The following MEIKIN variants were observed in gnomAD, a reference collection of about 807,000 sequenced individuals.
The protein encoded by MEIKIN is meiosis-specific kinetochore protein.
intron 11 of MEIKIN, among the ~76,000 whole-genome samples, chr5:131,846,828 T>C (rs1750030432): frequency 6.6e-6 from 1 of 152,054 alleles, no homozygotes; most frequent in Admixed American, 6.5e-5. Flanking sequence ...TCAAAAAAAT[T>C]ATTAATTTAT....
intron 8 of MEIKIN, among the ~76,000 whole-genome samples, chr5:131,905,977 T>C (rs1751236621): frequency 6.6e-6 from 1 of 152,162 alleles, no homozygotes; most frequent in Non-Finnish European, 1.5e-5. Context: ...GGCAAAGACT[T>C]CATAACAATG....
At chr5:131,827,737 A>G (rs992384267) in intron 11 of MEIKIN, among the ~76,000 whole-genome samples, 4 of 152,216 alleles carry the variant, frequency 2.6e-5, no homozygotes, top group Non-Finnish European at 4.4e-5. Flanking sequence ...AAATTTATAG[A>G]TCTATAGGAA....
intron 11 of MEIKIN, among the ~76,000 whole-genome samples, chr5:131,840,212 T>A (rs1749879868): frequency 6.6e-6 from 1 of 152,220 alleles, no homozygotes; most frequent in Admixed American, 6.5e-5. Context: ...CCTTTTAGGG[T>A]TTGTGCTGAG....
At chr5:131,838,621 A>ATTTCTAG (rs534366002) in intron 11 of MEIKIN, among the ~76,000 whole-genome samples, 298 of 152,054 alleles carry the variant, frequency 2.0e-3, no homozygotes, top group African/African-American at 6.6e-3. Flanking sequence ...TTATTCCAGA[A>ATTTCTAG]TTTCTAGTTT....
intron 8 of MEIKIN, among the ~76,000 whole-genome samples, chr5:131,892,631 G>T (rs535662258): frequency 5.3e-4 from 81 of 152,072 alleles, no homozygotes; most frequent in African/African-American, 1.7e-3. Flanking sequence ...TTTTCTTCAA[G>T]GTTTTTAATA....
chr5:131,901,677 G>A (rs1751158967), intron 8 of MEIKIN, among the ~76,000 whole-genome samples: 1 of 152,230 alleles, frequency 6.6e-6, no homozygotes, highest in South Asian at 2.1e-4. Context: ...CAAAGCCAGG[G>A]GCCTGATACC....
At chr5:131,813,512 C>T (rs1216397648) in intron 12 of MEIKIN, among the ~76,000 whole-genome samples, 6 of 151,108 alleles carry the variant, frequency 4.0e-5, no homozygotes, top group Admixed American at 6.6e-5. Context: ...CTGAAAGCTC[C>T]GCCTCCCGGG....
At chr5:131,934,856 G>A (rs1226703687) in intron 4 of MEIKIN, among the ~76,000 whole-genome samples, 2 of 151,986 alleles carry the variant, frequency 1.3e-5, no homozygotes, top group Non-Finnish European at 2.9e-5. Context: ...AAGAGATAGA[G>A]ACCATCCTGG....
At chr5:131,906,998 T>A (rs1329913889) in intron 8 of MEIKIN, among the ~76,000 whole-genome samples, 2 of 152,176 alleles carry the variant, frequency 1.3e-5, no homozygotes, top group Non-Finnish European at 2.9e-5. Flanking sequence ...TAGATATGTT[T>A]ACACCTGAAT....
At chr5:131,811,582 C>T (rs1772955817) in intron 12 of MEIKIN, among the ~76,000 whole-genome samples, 1 of 150,598 alleles carries the variant, frequency 6.6e-6, no homozygotes, top group African/African-American at 2.4e-5. Context: ...GCTGGGATTA[C>T]AGGCATGAGC....
chr5:131,931,334 T>C (rs547417964), intron 5 of MEIKIN, among the ~76,000 whole-genome samples: 2 of 152,172 alleles, frequency 1.3e-5, no homozygotes, highest in African/African-American at 2.4e-5. Flanking sequence ...GGAATCTTTT[T>C]TTTTCCCCCA....
At chr5:131,831,848 G>T (rs1749721080) in intron 11 of MEIKIN, among the ~76,000 whole-genome samples, 1 of 152,166 alleles carries the variant, frequency 6.6e-6, no homozygotes, top group Non-Finnish European at 1.5e-5. Flanking sequence ...AAACTCATCA[G>T]ATCTTGTGAG....
At chr5:131,845,470 G>A (rs1391936925) in intron 11 of MEIKIN, among the ~76,000 whole-genome samples, 2 of 151,410 alleles carry the variant, frequency 1.3e-5, no homozygotes, top group Non-Finnish European at 2.9e-5. Flanking sequence ...AAAAGGAACT[G>A]ATGATAAATG....
chr5:131,894,898 T>G (rs1429467495), intron 8 of MEIKIN, among the ~76,000 whole-genome samples: 1 of 152,168 alleles, frequency 6.6e-6, no homozygotes, highest in Non-Finnish European at 1.5e-5. Flanking sequence ...TATTTCTTTC[T>G]TTTGCCTGGT....
intron 11 of MEIKIN, among the ~76,000 whole-genome samples, chr5:131,835,205 T>C (rs1267175542): frequency 6.6e-6 from 1 of 151,392 alleles, no homozygotes; most frequent in East Asian, 1.9e-4. Context: ...TGTGTATATA[T>C]ATGTGTGTAT....
In MEIKIN at chr5:131,911,826, T is replaced by C; in HGVS notation, c.692A>G (p.Asn231Ser). 2 of 397,764 alleles carry C rather than the reference T, an allele frequency of 5.0e-6. No homozygotes were observed. Among genetic ancestry groups the C allele is most frequent in the East Asian group, 7.2e-5 (2 of 27,926 alleles). 24.6% of individuals were successfully genotyped at this position (397,764 alleles called of 1,614,324 possible). Residue 231 changes from asparagine (N) to serine (S), a missense_variant, in exon 8 of 13, where the codon AAT (asparagine) becomes AGT (serine). Physicochemically the swap from Asn to Ser is conservative, Grantham distance 46. Transcript: ENST00000442687. ...TCATTATTTGTTACCTGATTCTGAA[T>C]TTGAAGCACACTTTGCTTTTGGAGA... is the stretch of plus-strand genomic sequence containing the variant. Reference protein sequence around the residue: ...NVSPKAKCASNSESDNAACEI... With the variant: ...NVSPKAKCASSSESDNAACEI...
Position 131,924,042 on chromosome 5 carries a change from G to C in MEIKIN, c.479-2101C>G, listed in dbSNP as rs541465666. On this transcript the variant is annotated intron_variant, in intron 5 of 12. Coordinates refer to ENST00000442687, the MANE Select transcript of MEIKIN (RefSeq NM_001303622.2). ...TCCTACTCTCTGCTTCTATGAGTTT[G>C]GCTCTTTTAGATAACTCATATAAGT... Among the ~76,000 whole-genome samples, 113 of 152,014 alleles carry C rather than the reference G, an allele frequency of 7.4e-4. 1 individual carries two copies. The highest frequency in any genetic ancestry group is 2.5e-3 in the African/African-American group (104 of 41,494).
chr5:131,809,134 A>T (rs1273624810), intron 12 of MEIKIN, among the ~76,000 whole-genome samples: 1 of 152,158 alleles, frequency 6.6e-6, no homozygotes, highest in Non-Finnish European at 1.5e-5. Flanking sequence ...CCTCTATGAG[A>T]CTATAAACTT....
At chr5:131,837,876 C>T (rs926880667) in intron 11 of MEIKIN, among the ~76,000 whole-genome samples, 2 of 151,984 alleles carry the variant, frequency 1.3e-5, no homozygotes, top group African/African-American at 4.8e-5. Context: ...TTGCTCTGGC[C>T]AAGATTCCTA....
Sources: gnomAD v4.1 joint callset for allele counts (sites outside exome capture counted in the v4.1 genomes callset) on GRCh38, gnomAD v4.1.1 for gene constraint, MANE v1.5 for transcripts, NCBI Gene and HGNC (gene_info 2026-07-23, HGNC 2026-07-21) for gene names.